The following MYO18B variants were observed in gnomAD, a reference collection of about 807,000 sequenced individuals.
MYO18B encodes the protein unconventional myosin-XVIIIb.
MYO18B carries 204 observed loss-of-function variants against 273.0 expected under a neutral mutation model. The observed-to-expected ratio is 0.75, with a 90% CI of 0.67 to 0.84. The LOEUF is 0.84. MYO18B is among the 40% of genes least tolerant of loss of function. MYO18B has a pLI of 0.00. For missense variants in MYO18B, 3,212 were observed against 3,287.6 expected, an observed-to-expected ratio of 0.98 and a Z score of 0.56; for synonymous variants, 1,330 against 1,305.7, an observed-to-expected ratio of 1.02 and a Z score of -0.40.
chr22:26,047,525 G>A, the MYO18B span, among the ~76,000 whole-genome samples: 1 of 152,058 alleles, frequency 6.6e-6, no homozygotes, highest in Non-Finnish European at 1.5e-5. Context: ...AGGAGGTGTC[G>A]CCAATATAAC....
intron 1 of MYO18B, among the ~76,000 whole-genome samples, chr22:25,759,558 T>C (rs2086236523): frequency 6.6e-6 from 1 of 152,046 alleles, no homozygotes; most frequent in Non-Finnish European, 1.5e-5. Context: ...TTAGGAGAAA[T>C]ACCTAATGTA....
At chr22:26,019,651 T>A (rs2146982047) in intron 42 of MYO18B, among the ~76,000 whole-genome samples, 1 of 152,342 alleles carries the variant, frequency 6.6e-6, no homozygotes, top group South Asian at 2.1e-4. Context: ...TCAAAGAGCA[T>A]CTGGTTTCCC....
At chr22:26,005,248 G>T (rs534172403) in intron 42 of MYO18B, among the ~76,000 whole-genome samples, 2 of 152,182 alleles carry the variant, frequency 1.3e-5, no homozygotes, top group East Asian at 3.9e-4. Context: ...CCATTTATGG[G>T]TAATTACAGG....
chr22:25,898,329 A>G lies in MYO18B; in HGVS notation c.4691A>G (p.Tyr1564Cys), dbSNP rs1569166099. The G allele has an allele frequency of 6.2e-7, 1 of 1,613,874 alleles. No homozygotes were observed. Among genetic ancestry groups the G allele is most frequent in the Non-Finnish European group, 8.5e-7 (1 of 1,179,822 alleles). The change falls in exon 29 of 44, where the codon TAT becomes TGT. Residue 1564 changes from tyrosine to cysteine, a missense_variant. Transcript: ENST00000335473. ...EQKLGELQSA[Y>C]DGAKKMAHQL... ...CAGCTTGGGGAGTTGCAAAGTGCTT[A>G]TGACGGGGCCAAGAAGATGGCTCAC... is the stretch of plus-strand genomic sequence containing the variant.
chr22:25,965,305 C>G (rs901883414), intron 39 of MYO18B, among the ~76,000 whole-genome samples: 2 of 152,142 alleles, frequency 1.3e-5, no homozygotes, highest in African/African-American at 4.8e-5. Flanking sequence ...CTGTACTGGT[C>G]AATTTGTGAA....
intron 22 of MYO18B, among the ~76,000 whole-genome samples, chr22:25,869,994 T>C (rs1317518056): frequency 1.3e-5 from 2 of 152,224 alleles, no homozygotes; most frequent in Non-Finnish European, 2.9e-5. Context: ...CTTCACGTTT[T>C]GTTCTTCTTT....
chr22:25,798,733 T>C (rs1042495390), intron 12 of MYO18B, among the ~76,000 whole-genome samples: 8 of 151,386 alleles, frequency 5.3e-5, no homozygotes, highest in Non-Finnish European at 1.2e-4. Context: ...TTAATATATA[T>C]TTTTTTATTT....
chr22:25,779,211 A>G (rs2087038462), intron 8 of MYO18B, among the ~76,000 whole-genome samples: 1 of 152,194 alleles, frequency 6.6e-6, no homozygotes, highest in Non-Finnish European at 1.5e-5. Context: ...TATATGATGC[A>G]GGGAATATTG....
intron 34 of MYO18B, among the ~76,000 whole-genome samples, chr22:25,929,434 T>C (rs1250353437): frequency 6.6e-6 from 1 of 152,164 alleles, no homozygotes; most frequent in East Asian, 1.9e-4. Flanking sequence ...AACCAAGATA[T>C]ATAATTGAGA....
chr22:25,967,591 T>TG (rs1470853585), intron 39 of MYO18B, among the ~76,000 whole-genome samples: 1 of 152,212 alleles, frequency 6.6e-6, no homozygotes, highest in African/African-American at 2.4e-5. Context: ...ATGGTTTTTT[T>TG]GGGAGAATTG....
rs1196882615 is a variant in MYO18B, at chr22:25,868,338, G to A, written c.3904G>A (p.Glu1302Lys). Residue 1302 changes from glutamate (E) to lysine (K), a missense_variant, in exon 22 of 44, where the codon GAG becomes AAG. By Grantham distance (56) the Glu-to-Lys change is moderately conservative (BLOSUM62 1). Transcript: ENST00000335473. ...TCCCCAGGCCGTGGAGGAGCTCCTG[G>A]AGACCCTGGATCTGGAAAAGAAGGC... is the stretch of plus-strand genomic sequence containing the variant. Reference protein sequence around the residue: ...DERKAVEELLETLDLEKKAVA... With the variant: ...DERKAVEELLKTLDLEKKAVA... 10 of 1,604,008 alleles carry A rather than the reference G, an allele frequency of 6.2e-6. No homozygotes were observed. The highest frequency in any genetic ancestry group is 8.5e-6 in the Non-Finnish European group (10 of 1,175,360).
chr22:25,967,284 AT>A (rs1362573898), intron 39 of MYO18B, among the ~76,000 whole-genome samples: 1 of 152,200 alleles, frequency 6.6e-6, no homozygotes, highest in Non-Finnish European at 1.5e-5. Flanking sequence ...TCCAATTTAT[AT>A]TGTTTAGATG....
intron 40 of MYO18B, among the ~76,000 whole-genome samples, chr22:26,001,697 C>G (rs1389228430): frequency 6.6e-6 from 1 of 152,138 alleles, no homozygotes; most frequent in East Asian, 1.9e-4. Context: ...GGTCAGAGAG[C>G]AGGAGCATGT....
chr22:25,923,646 G>C (rs2092380432), intron 34 of MYO18B, among the ~76,000 whole-genome samples: 1 of 152,146 alleles, frequency 6.6e-6, no homozygotes. Context: ...TGACCAGGTG[G>C]GTACGGAACC....
chr22:25,823,798 G>T lies in MYO18B; in HGVS notation c.2695+120G>T. On this transcript the variant is annotated intron_variant, in intron 13 of 43. Transcript: ENST00000335473. ...TGTTAAGGGCCTATGCTATGAAGGC[G>T]TGTGTTAGATGCAGGGGAAGCCATC... is the stretch of plus-strand genomic sequence containing the variant. The T allele has an allele frequency of 2.8e-6, 3 of 1,082,598 alleles. 1 individual carries two copies. The South Asian group carries it at 4.5e-5, about 16-fold the overall frequency. 67.1% of individuals were successfully genotyped at this position (1,082,598 alleles called of 1,614,324 possible). A position where few individuals can be genotyped will look rare whatever the true frequency, so the allele number is the denominator to read the frequency against.
chr22:25,905,631 C>G (rs536887631), intron 31 of MYO18B, among the ~76,000 whole-genome samples: 1 of 152,300 alleles, frequency 6.6e-6, no homozygotes, highest in East Asian at 1.9e-4. Context: ...AGCCTGAAGA[C>G]AGACAGGATA....
chr22:25,764,567 C>T (rs1245793102), intron 3 of MYO18B, among the ~76,000 whole-genome samples: 2 of 152,182 alleles, frequency 1.3e-5, no homozygotes, highest in African/African-American at 4.8e-5. Flanking sequence ...GTGCCTGCAC[C>T]TGTCTGATGA....
downstream of MYO18B, among the ~76,000 whole-genome samples, chr22:26,034,764 C>G (rs1399782778): frequency 6.6e-6 from 1 of 152,154 alleles, no homozygotes; most frequent in Non-Finnish European, 1.5e-5. Context: ...ACCATAAGGA[C>G]TAGATGAAAG....
At chr22:25,855,479 T>C (rs536462704) in intron 21 of MYO18B, among the ~76,000 whole-genome samples, 1 of 152,238 alleles carries the variant, frequency 6.6e-6, no homozygotes, top group Admixed American at 6.5e-5. Flanking sequence ...GAGACGGGGT[T>C]TCACCATGTT....
Sources: gnomAD v4.1 joint callset for allele counts (sites outside exome capture counted in the v4.1 genomes callset) on GRCh38, gnomAD v4.1.1 for gene constraint, MANE v1.5 for transcripts, NCBI Gene and HGNC (gene_info 2026-07-23, HGNC 2026-07-21) for gene names.